PRMT5: variants seen among roughly 807,000 people sequenced by gnomAD.
PRMT5 encodes protein arginine methyltransferase 5, also known as protein arginine N-methyltransferase 5.
PRMT5 carries 15 observed loss-of-function variants against 84.0 expected under a neutral mutation model. The observed-to-expected ratio is 0.18, with a 90% confidence interval of 0.12 to 0.28. The LOEUF is 0.28. Ranked by LOEUF, PRMT5 falls within the 10% of genes least tolerant of loss-of-function variation. The pLI is 1.00. For synonymous variants in PRMT5, 276 were observed against 292.4 expected (o/e 0.94, Z 0.57); for missense variants, 486 against 808.0 (o/e 0.60, Z 4.83).
intron 15 of PRMT5, 90 bp downstream of exon 15, chr14:22,922,353 G>T: frequency 1.4e-6 from 2 of 1,404,934 alleles, no homozygotes; most frequent in Non-Finnish European, 2.0e-6. Flanking sequence ...TGAGCACTGG[G>T]CCCCCCATAA....
rs1425538697 is a variant in PRMT5, at chr14:22,926,151, G to A, written c.759C>T (p.Leu253=). 2.1e-5 allele frequency: 34 copies of A among 1,612,150 alleles called. No individual in the cohort carries two copies. The highest frequency in any genetic ancestry group is 6.7e-5 in the African/African-American group (5 of 74,966). ...CACTCACCTTGAGGAGCCGGAAGAT[G>A]AGCCTCTGGTGCATCTTAGAAAGAA... ...FPVLSKMHQR[L]IFRLLKLEVQ... The change falls in exon 7 of 17, where the codon CTC becomes CTT. Residue 253 remains leucine, a synonymous_variant. Transcript: ENST00000324366.
rs1050032919 is a variant in PRMT5, at chr14:22,929,034, C to T, written c.110+218G>A. 7.5e-5 allele frequency: 89 copies of T among 1,179,748 alleles called. No individual in the cohort carries two copies. The East Asian group carries it at 2.1e-3, about 28-fold the overall frequency. The allele number at this position is 1,179,748 out of a possible 1,614,324, so 73.1% of individuals were successfully genotyped here. A position where few individuals can be genotyped will look rare whatever the true frequency, so the allele number is the denominator to read the frequency against. ...CCAGGGCCCTTTAGAGTTTACCCAA[C>T]AACTCTCCCAACTTTGGGACTCAGT... On this transcript the variant is annotated intron_variant, in intron 1 of 16. Transcript: ENST00000324366.
Position 22,923,303 on chromosome 14 carries a change from T to G in PRMT5, c.1376-143A>C, listed in dbSNP as rs2044346197. 1 of 595,678 alleles carries G rather than the reference T, an allele frequency of 1.7e-6. No individual in the cohort carries two copies. The highest frequency in any genetic ancestry group is 1.9e-5 in the African/African-American group (1 of 53,508). 36.9% of individuals were successfully genotyped at this position (595,678 alleles called of 1,614,324 possible). A position where few individuals can be genotyped will look rare whatever the true frequency, so the allele number is the denominator to read the frequency against. On this transcript the variant is annotated intron_variant, in intron 12 of 16. Coordinates refer to ENST00000324366, the MANE Select transcript of PRMT5 (RefSeq NM_006109.5). This position sits in a 1 kb window ranked among gnomAD's most constrained non-coding sequence, Gnocchi z 5.2. ...ATGGAAGAAAGAGACAAATGCATGT[T>G]GTCACATTACTAAGCCAGCCTGCTT...
chr14:22,925,439 G>A (rs902788249), intron 7 of PRMT5, among the ~76,000 whole-genome samples: 3 of 151,938 alleles, frequency 2.0e-5, no homozygotes, highest in African/African-American at 7.2e-5. Flanking sequence ...TTACAGGCGC[G>A]AGCCACTGCA....
chr14:22,924,507 G>A lies in PRMT5; in HGVS notation c.1048C>T (p.Pro350Ser), dbSNP rs149176839. ...ACATTGGTATCCTTCTCCTCTTCTG[G>A]TACTCGGTCTAGCAGACATTTATAG... ...AIYKCLLDRV[P>S]EEEKDTNVQV... Residue 350 changes from proline (P) to serine (S), a missense_variant, in exon 10 of 17, where the codon CCA becomes TCA. Physicochemically the swap from Pro to Ser is moderately conservative, Grantham distance 74. Around this residue, in one of 4 missense-constraint regions of PRMT5, gnomAD observed 219 missense variants for 433.6 expected, o/e 0.51. Transcript: ENST00000324366. The surrounding 1 kb of genome is among the most constrained non-coding windows in gnomAD (Gnocchi z 6.5). 15 of 1,614,066 alleles carry A rather than the reference G, an allele frequency of 9.3e-6. No homozygotes were observed. The highest frequency in any genetic ancestry group is 5.9e-6 in the Non-Finnish European group (7 of 1,179,974).
Position 22,920,828 on chromosome 14 carries a change from G to T in PRMT5, c.*76C>A. ...TGGGCAAGGGGAATCACAGCCCATA[G>T]ATGTACTGCACCTTCTGTACTACAG... On this transcript the variant is annotated 3_prime_UTR_variant, in exon 17 of 17. Transcript: ENST00000324366. 6.3e-7 allele frequency: 1 copy of T among 1,583,838 alleles called. No homozygotes were observed. The highest frequency in any genetic ancestry group is 1.1e-5 in the South Asian group (1 of 90,340).
rs2044413427 is a variant in PRMT5 at position 22,926,142 on chromosome 14, C to A, written c.768G>T (p.Arg256=). The A allele has an allele frequency of 6.2e-7, 1 of 1,610,474 alleles. No homozygotes were observed. Among genetic ancestry groups the A allele is most frequent in the Admixed American group, 1.7e-5 (1 of 59,994 alleles). Reference sequence around the variant, plus strand: ...CCCTCCTACCACTCACCTTGAGGAGCCGGAAGATGAGCCTCTGGTGCATCT... The same window carrying A: ...CCCTCCTACCACTCACCTTGAGGAGACGGAAGATGAGCCTCTGGTGCATCT... ...LSKMHQRLIF[R]LLKLEVQFII... Residue 256 remains arginine, a synonymous_variant, in exon 7 of 17, where the codon CGG becomes CGT. Coordinates refer to ENST00000324366, the MANE Select transcript of PRMT5 (RefSeq NM_006109.5).
rs150569147 is a variant in PRMT5 at position 22,920,760 on chromosome 14, C to G, written c.*144G>C. Reference sequence around the variant, plus strand: ...CAATTAATTATAATCCCTTGCCCACCTTGATGTAAGGCAGGAAAGCAGATT... The same window carrying G: ...CAATTAATTATAATCCCTTGCCCACGTTGATGTAAGGCAGGAAAGCAGATT... On this transcript the variant is annotated 3_prime_UTR_variant, in exon 17 of 17. Transcript: ENST00000324366. 2.4e-3 allele frequency: 2,966 copies of G among 1,230,548 alleles called. 99 individuals are homozygous for G. In the Admixed American group the frequency reaches 0.048, roughly 20 times the overall value. The allele number at this position is 1,230,548 out of a possible 1,614,324, so 76.2% of individuals were successfully genotyped here. A position where few individuals can be genotyped will look rare whatever the true frequency, so the allele number is the denominator to read the frequency against.
chr14:22,920,740 A>G lies in PRMT5; in HGVS notation c.*164T>C. 9.6e-7 allele frequency: 1 copy of G among 1,038,172 alleles called. No individual in the cohort carries two copies. Among genetic ancestry groups the G allele is most frequent in the Non-Finnish European group, 1.5e-6 (1 of 672,432 alleles). The allele number at this position is 1,038,172 out of a possible 1,614,324, so 64.3% of individuals were successfully genotyped here. ...GATTGGTGGCTTGAGCCCTGCAATT[A>G]ATTATAATCCCTTGCCCACCTTGAT... On this transcript the variant is annotated 3_prime_UTR_variant, in exon 17 of 17. Transcript: ENST00000324366.
intron 4 of PRMT5, among the ~76,000 whole-genome samples, chr14:22,927,269 T>C (rs545830781): frequency 4.0e-5 from 6 of 151,722 alleles, no homozygotes; most frequent in African/African-American, 1.2e-4. Flanking sequence ...TTTTTTTGTT[T>C]TTGTTTTGGT....
In PRMT5 at chr14:22,924,326, C is replaced by G; in HGVS notation, c.1143G>C (p.Gln381His). The change falls in exon 11 of 17, where the codon CAG (glutamine) becomes CAC (histidine). Residue 381 changes from glutamine (Q) to histidine (H), a missense_variant. This residue lies in a region of PRMT5 where 219 missense variants were observed against 433.6 expected (regional missense o/e 0.51). Transcript: ENST00000324366. The surrounding 1 kb of genome is among the most constrained non-coding windows in gnomAD (Gnocchi z 6.5). The stretch of plus-strand genomic sequence containing the variant: ...CATACAGCTTTATCCGCCGGTCGGC[C>G]TGCTTGGCTGCCCGCAGGGAAGCGT... ...LVNASLRAAKQADRRIKLYAV... is the reference protein window; with the variant it reads ...LVNASLRAAKHADRRIKLYAV... 1.2e-6 allele frequency: 2 copies of G among 1,614,176 alleles called. No homozygotes were observed. The highest frequency in any genetic ancestry group is 2.2e-5 in the East Asian group (1 of 44,882).
In PRMT5 at chr14:22,922,437, A is replaced by T; in HGVS notation, c.1696+6T>A. The T allele has an allele frequency of 6.3e-7, 1 of 1,598,490 alleles. No individual in the cohort carries two copies. The highest frequency in any genetic ancestry group is 8.6e-7 in the Non-Finnish European group (1 of 1,165,814). ...TACTCTGCCATCTACTGCCATAGAC[A>T]CTCACTCAGAGTGATGTCCTGATAA... is the stretch of plus-strand genomic sequence containing the variant. On this transcript the variant is annotated splice_donor_region_variant and intron_variant, in intron 15 of 16. Transcript: ENST00000324366.
In PRMT5 at chr14:22,922,870, G is replaced by T. The variant is rs778746355; in HGVS notation, c.1486-35C>A. ...ACAGAAAGAGAGAGAGAGTGTTGGG[G>T]AAGACACACAAGAGAGAACTACTTC... On this transcript the variant is annotated intron_variant, in intron 13 of 16. Transcript: ENST00000324366. The T allele has an allele frequency of 9.4e-6, 15 of 1,591,358 alleles. No homozygotes were observed. In the African/African-American group the frequency reaches 1.5e-4, roughly 16 times the overall value.
intron 4 of PRMT5, 128 bp downstream of exon 4, chr14:22,927,398 T>G (rs1488791637): frequency 2.3e-6 from 3 of 1,318,620 alleles, no homozygotes; most frequent in Non-Finnish European, 3.2e-6. Flanking sequence ...CATCACCCAC[T>G]GTGCCCGCCA....
intron 13 of PRMT5, 84 bp downstream of exon 13, chr14:22,922,967 A>G: frequency 7.1e-7 from 1 of 1,412,630 alleles, no homozygotes; most frequent in Non-Finnish European, 9.8e-7. Flanking sequence ...CTTCATCCCC[A>G]GCAGAAGAAA....
At chr14:22,927,123 T>C (rs556278426) in intron 4 of PRMT5, among the ~76,000 whole-genome samples, 82 of 150,226 alleles carry the variant, frequency 5.5e-4, no homozygotes, top group African/African-American at 2.0e-3. Context: ...TCTGGCTCTG[T>C]CACCCAGGCT....
At chr14:22,927,762 C>T in intron 3 of PRMT5, 102 bp from the exon 4 acceptor site, 1 of 1,358,484 alleles carries the variant, frequency 7.4e-7, no homozygotes, top group East Asian at 2.5e-5. Context: ...GGCTGGAGTG[C>T]AGTGGCACAG....
intron 4 of PRMT5, 87 bp from the exon 5 acceptor site, chr14:22,926,901 G>C: frequency 1.1e-6 from 1 of 891,666 alleles, no homozygotes; most frequent in Non-Finnish European, 1.9e-6. Context: ...ACTTCATCCA[G>C]ACCTCGTTAA....
Position 22,928,142 on chromosome 14 carries a change from C to T in PRMT5, c.299G>A (p.Arg100His), listed in dbSNP as rs766424540. 2.5e-6 allele frequency: 4 copies of T among 1,614,076 alleles called. No homozygotes were observed. Among genetic ancestry groups the T allele is most frequent in the African/African-American group, 1.3e-5 (1 of 75,016 alleles). ...CAGTCTTACCGCCTCGGAGTTCCTG[C>T]GAATCTTCTCCACTTTTGAGTCTGG... Reference protein sequence around the residue: ...IRPDSKVEKIRRNSEAAMLQE... With the variant: ...IRPDSKVEKIHRNSEAAMLQE... Residue 100 changes from arginine to histidine, a missense_variant, in exon 3 of 17, where the codon CGC becomes CAC. Coordinates refer to ENST00000324366, the MANE Select transcript of PRMT5 (RefSeq NM_006109.5). The surrounding 1 kb of genome is among the most constrained non-coding windows in gnomAD (Gnocchi z 4.8).
Sources: gnomAD v4.1 joint callset for allele counts (sites outside exome capture counted in the v4.1 genomes callset) on GRCh38, gnomAD v4.1.1 for gene constraint, gnomAD v4.1.1 regional missense constraint, Gnocchi (gnomAD v3.1) non-coding constraint, MANE v1.5 for transcripts, NCBI Gene and HGNC (gene_info 2026-07-23, HGNC 2026-07-21) for gene names.